PCBP3: variants seen among roughly 807,000 people sequenced by gnomAD.
The protein encoded by PCBP3 is poly(rC) binding protein 3.
PCBP3 carries 25 observed loss-of-function variants against 52.7 expected under a neutral mutation model. The observed-to-expected ratio is 0.47, with a 90% CI of 0.35 to 0.66. The LOEUF (loss-of-function observed/expected upper bound fraction) is 0.66, where lower values mean the gene tolerates loss of function less well. PCBP3 is among the 30% of genes least tolerant of loss of function. PCBP3 has a pLI of 0.01. For synonymous variants in PCBP3, 162 were observed against 183.0 expected (o/e 0.89, Z 0.93); for missense variants, 391 against 490.3 (o/e 0.80, Z 1.91).
chr21:45,936,585 C>G (rs1251755781), intron 16 of PCBP3, among the ~76,000 whole-genome samples: 1 of 152,234 alleles, frequency 6.6e-6, no homozygotes, highest in East Asian at 1.9e-4. Context: ...TTCCCCAACC[C>G]TTTCCCTCAC....
intron 9 of PCBP3, among the ~76,000 whole-genome samples, chr21:45,907,901 A>G: frequency 2.0e-5 from 3 of 146,368 alleles, no homozygotes; most frequent in South Asian, 4.4e-4. Context: ...AAGGAGGGAG[A>G]GCTTACGAGC....
chr21:45,838,400 A>G (rs2093634574), intron 4 of PCBP3, among the ~76,000 whole-genome samples: 1 of 151,732 alleles, frequency 6.6e-6, no homozygotes, highest in African/African-American at 2.4e-5. Context: ...TTTTTGTTCT[A>G]ATAATAATAA....
At chr21:45,646,107 C>CTCTGTGTGTGTGTGTGTGTGTGTG (rs1555895746) in intron 1 of PCBP3, among the ~76,000 whole-genome samples, 3 of 83,824 alleles carry the variant, frequency 3.6e-5, no homozygotes, top group East Asian at 7.0e-4. Context: ...CTCTCTCTCT[C>CTCTGTGTGTGTGTGTGTGTGTGTG]TGTGTGTGTG....
intron 2 of PCBP3, among the ~76,000 whole-genome samples, chr21:45,715,728 C>G (rs2084173178): frequency 6.6e-6 from 1 of 152,150 alleles, no homozygotes; most frequent in African/African-American, 2.4e-5. Flanking sequence ...ATTTATTTCC[C>G]TGATGACTGA....
chr21:45,748,219 C>T (rs1334308603), intron 3 of PCBP3: 1 of 152,632 alleles, frequency 6.6e-6, no homozygotes, highest in African/African-American at 2.4e-5. Context: ...TCTACTCTTG[C>T]TCGTCAGCGT....
intron 15 of PCBP3, among the ~76,000 whole-genome samples, chr21:45,931,789 C>T (rs1001215271): frequency 5.4e-5 from 8 of 148,776 alleles, no homozygotes; most frequent in African/African-American, 1.3e-4. Context: ...ATGAACACAT[C>T]GGCCATGCTG....
intron 4 of PCBP3, among the ~76,000 whole-genome samples, chr21:45,777,178 T>A (rs1383859130): frequency 6.6e-6 from 1 of 152,214 alleles, no homozygotes; most frequent in Non-Finnish European, 1.5e-5. Flanking sequence ...CTGGATATAG[T>A]CTTCTTGGAT....
At chr21:45,862,530 T>G (rs1310858007) in intron 5 of PCBP3, among the ~76,000 whole-genome samples, 1 of 152,222 alleles carries the variant, frequency 6.6e-6, no homozygotes, top group African/African-American at 2.4e-5. Flanking sequence ...TGGGTAATGA[T>G]CAGTGACAGG....
intron 2 of PCBP3, among the ~76,000 whole-genome samples, chr21:45,721,858 T>A (rs1483232738): frequency 6.6e-6 from 1 of 151,982 alleles, no homozygotes; most frequent in African/African-American, 2.4e-5. Flanking sequence ...TAAGATAGAA[T>A]TTTGGCAAGA....
intron 4 of PCBP3, among the ~76,000 whole-genome samples, chr21:45,794,869 C>T (rs1170110886): frequency 6.6e-6 from 1 of 150,952 alleles, no homozygotes; most frequent in Non-Finnish European, 1.5e-5. Context: ...GCGGAGCTTG[C>T]AGTGAGCCGA....
At chr21:45,755,476 A>G (rs1189457801) in intron 4 of PCBP3, among the ~76,000 whole-genome samples, 24 bp downstream of exon 4, 1 of 152,184 alleles carries the variant, frequency 6.6e-6, no homozygotes, top group East Asian at 1.9e-4. Flanking sequence ...TAATTTTGTA[A>G]GAAACTCCCA....
chr21:45,913,845 G>C, intron 11 of PCBP3, 106 bp from the exon 12 acceptor site: 1 of 1,025,710 alleles, frequency 9.7e-7, no homozygotes, highest in Non-Finnish European at 1.4e-6. Flanking sequence ...GGGGAGCGTG[G>C]AGCTGGTGCA....
chr21:45,794,911 A>G lies in PCBP3; in HGVS notation c.-126+39459A>G, dbSNP rs567999541. Among the ~76,000 whole-genome samples, 111 of 151,696 alleles carry G rather than the reference A, an allele frequency of 7.3e-4. 1 individual carries two copies. Among genetic ancestry groups the G allele is most frequent in the Middle Eastern group, 6.8e-3 (2 of 294 alleles). Reference sequence around the variant, plus strand: ...GCCACTGCACTCCAGCCCGGGCGACAGAGCCAGACTCTGTCTCAAAAAAAA... The same window carrying G: ...GCCACTGCACTCCAGCCCGGGCGACGGAGCCAGACTCTGTCTCAAAAAAAA... On this transcript the variant is annotated intron_variant, in intron 4 of 17. Coordinates refer to ENST00000681687, the MANE Select transcript of PCBP3 (RefSeq NM_001384156.1).
intron 2 of PCBP3, among the ~76,000 whole-genome samples, chr21:45,684,237 GCAAA>G (rs1159904644): frequency 2.0e-5 from 3 of 151,818 alleles, no homozygotes; most frequent in Admixed American, 6.6e-5. Flanking sequence ...AAAAACAAAA[GCAAA>G]CAAACAAAAA....
intron 2 of PCBP3, among the ~76,000 whole-genome samples, chr21:45,718,765 G>A (rs2148279794): frequency 6.6e-6 from 1 of 152,284 alleles, no homozygotes; most frequent in Middle Eastern, 3.4e-3. Context: ...TAAGCTGTTA[G>A]TGGTTATTAC....
intron 13 of PCBP3, among the ~76,000 whole-genome samples, chr21:45,922,202 C>T (rs2839060): frequency 0.41 from 62,442 of 151,972 alleles, 13,635 homozygotes; most frequent in African/African-American, 0.55. Context: ...TTAATTACAG[C>T]GGGGAAGTTA....
chr21:45,886,712 T>G (rs1381909505), intron 5 of PCBP3, among the ~76,000 whole-genome samples: 1 of 152,138 alleles, frequency 6.6e-6, no homozygotes, highest in Non-Finnish European at 1.5e-5. Context: ...TCTGGGGCCC[T>G]GGAGGCCTGT....
intron 5 of PCBP3, among the ~76,000 whole-genome samples, chr21:45,891,700 C>T (rs1443614836): frequency 6.6e-6 from 1 of 152,204 alleles, no homozygotes; most frequent in Admixed American, 6.5e-5. Flanking sequence ...TATGTGCAGC[C>T]TATTAACCAT....
Position 45,849,862 on chromosome 21 carries a change from T to C in PCBP3, c.-125-99T>C, listed in dbSNP as rs2093926798. ...ACTCGAATGCTGAAGAGGTGTTGACTGCTGTGTTGAAGGCAAGAGGCAGTT... is the reference window on the plus strand; with the variant it reads ...ACTCGAATGCTGAAGAGGTGTTGACCGCTGTGTTGAAGGCAAGAGGCAGTT... On this transcript the variant is annotated intron_variant, in intron 4 of 17. Coordinates refer to ENST00000681687, the MANE Select transcript of PCBP3 (RefSeq NM_001384156.1). The C allele has an allele frequency of 1.2e-5, 7 of 575,886 alleles. No homozygotes were observed. In the South Asian group the frequency reaches 1.4e-4, roughly 12 times the overall value. The allele number at this position is 575,886 out of a possible 1,614,324, so 35.7% of individuals were successfully genotyped here.
Sources: allele counts gnomAD v4.1 joint callset (sites outside exome capture counted in the v4.1 genomes callset), GRCh38; gene constraint gnomAD v4.1.1; transcripts MANE v1.5; gene names NCBI Gene and HGNC (gene_info 2026-07-23, HGNC 2026-07-21).